PPP1R9A: variants seen among roughly 807,000 people sequenced by gnomAD.
The protein encoded by PPP1R9A is protein phosphatase 1 regulatory subunit 9A.
PPP1R9A carries 59 observed loss-of-function variants against 141.9 expected under a neutral mutation model. The observed-to-expected ratio is 0.42, with a 90% confidence interval of 0.34 to 0.52. The LOEUF is 0.52. PPP1R9A is among the 20% of genes least tolerant of loss of function. The pLI is 0.10. For missense variants in PPP1R9A, 1,444 were observed against 1,611.9 expected (o/e 0.90, Z 1.78); for synonymous variants, 500 against 569.7 (o/e 0.88, Z 1.74).
At chr7:95,096,609 AAGAC>A (rs756311200) in intron 2 of PPP1R9A, among the ~76,000 whole-genome samples, 19 of 152,198 alleles carry the variant, frequency 1.2e-4, no homozygotes, top group Middle Eastern at 3.4e-3. Flanking sequence ...CATTCTCTGA[AAGAC>A]AAATGCTTTT....
intron 2 of PPP1R9A, among the ~76,000 whole-genome samples, chr7:95,033,184 T>TTC (rs1336768857): frequency 1.4e-5 from 2 of 147,798 alleles, no homozygotes; most frequent in African/African-American, 4.9e-5. Flanking sequence ...TTTTTTTTTT[T>TTC]TTTTTTTTTT....
intron 2 of PPP1R9A, among the ~76,000 whole-genome samples, chr7:95,101,267 C>T (rs1375631956): frequency 6.6e-6 from 1 of 152,174 alleles, no homozygotes; most frequent in African/African-American, 2.4e-5. Context: ...AGGATCTTTG[C>T]AATCCATAGT....
chr7:95,034,129 C>A (rs1175587227), intron 2 of PPP1R9A, among the ~76,000 whole-genome samples: 3 of 152,020 alleles, frequency 2.0e-5, no homozygotes, highest in African/African-American at 7.2e-5. Flanking sequence ...ACTCTTCAAT[C>A]CATATAAATA....
intron 8 of PPP1R9A, among the ~76,000 whole-genome samples, chr7:95,236,804 C>T (rs1309140014): frequency 1.3e-5 from 2 of 151,476 alleles, no homozygotes; most frequent in African/African-American, 2.4e-5. Flanking sequence ...CATTCTGACA[C>T]CTGTACTGAT....
intron 4 of PPP1R9A, among the ~76,000 whole-genome samples, chr7:95,133,513 TTATATATATATATATATA>T (rs10570222): frequency 7.5e-6 from 1 of 132,692 alleles, no homozygotes; most frequent in African/African-American, 2.7e-5. Context: ...TGCAGTCGTA[TTATATATATATATATATA>T]TATATATATA....
At chr7:95,025,987 C>T (rs192184650) in intron 2 of PPP1R9A, among the ~76,000 whole-genome samples, 10 of 152,252 alleles carry the variant, frequency 6.6e-5, no homozygotes, top group African/African-American at 1.9e-4. Flanking sequence ...GTCCTTTTAT[C>T]AAGGTTCTTA....
rs1432551583 is a variant in PPP1R9A, at chr7:95,185,685, T to A, written c.1755-12664T>A. Among the ~76,000 whole-genome samples, 3 of 152,172 alleles carry A rather than the reference T, an allele frequency of 2.0e-5. No homozygotes were observed. In the South Asian group the frequency reaches 6.2e-4, roughly 31 times the overall value. Reference sequence around the variant, plus strand: ...ATCTTAGATTTAAGTCTTTGATCCATCTTGAATTGATTTTTGTATAAGGTG... The same window carrying A: ...ATCTTAGATTTAAGTCTTTGATCCAACTTGAATTGATTTTTGTATAAGGTG... On this transcript the variant is annotated intron_variant, in intron 5 of 19. Transcript: ENST00000433360.
intron 12 of PPP1R9A, among the ~76,000 whole-genome samples, chr7:95,262,228 C>T (rs1474740796): frequency 1.3e-5 from 2 of 152,208 alleles, no homozygotes; most frequent in African/African-American, 4.8e-5. Context: ...CATATCCTAG[C>T]TCCCATGACC....
rs552713045 is a variant in PPP1R9A, at chr7:95,173,325, G to A, written c.1754+11354G>A. 3.3e-5 allele frequency among the ~76,000 whole-genome samples: 5 copies of A among 151,890 alleles called. 1 individual carries two copies. Among genetic ancestry groups the A allele is most frequent in the African/African-American group, 9.6e-5 (4 of 41,502 alleles). On this transcript the variant is annotated intron_variant, in intron 5 of 19. Coordinates refer to ENST00000433360, the MANE Select transcript of PPP1R9A (RefSeq NM_001166160.2). ...TGAATGTTGAAAAATTATCTGTTGG[G>A]CACAATGTTCATTGTTAAGGTGATG...
intron 5 of PPP1R9A, among the ~76,000 whole-genome samples, chr7:95,173,549 CCTTAAGAAAATGGAAAAACAAGCCA>C (rs1832465986): frequency 6.6e-6 from 1 of 151,520 alleles, no homozygotes; most frequent in Non-Finnish European, 1.5e-5. Flanking sequence ...TACAAAATAC[CCTTAAGAAAATGGAAAAACAAGCCA>C]CTTAAGAAAA....
chr7:95,178,982 A>G (rs1205365060), intron 5 of PPP1R9A, among the ~76,000 whole-genome samples: 1 of 151,886 alleles, frequency 6.6e-6, no homozygotes. Context: ...TATTGACACA[A>G]TTCCAGATAG....
intron 4 of PPP1R9A, among the ~76,000 whole-genome samples, chr7:95,125,509 T>C (rs535926273): frequency 6.6e-6 from 1 of 152,300 alleles, no homozygotes; most frequent in Admixed American, 6.5e-5. Context: ...CACACACTAA[T>C]GATTTTCCAG....
chr7:95,260,571 C>T (rs1009843593), intron 12 of PPP1R9A, among the ~76,000 whole-genome samples: 3 of 151,500 alleles, frequency 2.0e-5, no homozygotes, highest in African/African-American at 7.3e-5. Flanking sequence ...CCCAGCTACT[C>T]GGGAGGCTGA....
chr7:95,121,050 A>G (rs1301101079), intron 4 of PPP1R9A, among the ~76,000 whole-genome samples: 4 of 152,184 alleles, frequency 2.6e-5, no homozygotes, highest in Non-Finnish European at 5.9e-5. Context: ...GGGCAGATCT[A>G]TCAGTCTATA....
chr7:95,214,421 T>TG (rs1180161722), intron 7 of PPP1R9A: 1 of 152,240 alleles, frequency 6.6e-6, no homozygotes, highest in East Asian at 1.9e-4. Context: ...CTCCTTGGGA[T>TG]GTGGGCCTCT....
intron 2 of PPP1R9A, among the ~76,000 whole-genome samples, chr7:95,068,410 C>T (rs867132530): frequency 2.5e-5 from 3 of 120,178 alleles, no homozygotes; most frequent in Non-Finnish European, 3.2e-5. Context: ...GTGGAGATTG[C>T]GGTGAGCCGA....
At chr7:95,085,026 C>T (rs1454080218) in intron 2 of PPP1R9A, among the ~76,000 whole-genome samples, 1 of 152,020 alleles carries the variant, frequency 6.6e-6, no homozygotes, top group African/African-American at 2.4e-5. Context: ...CATACCCACC[C>T]TCACATGATT....
chr7:95,067,427 C>T (rs1388045234), intron 2 of PPP1R9A, among the ~76,000 whole-genome samples: 2 of 152,106 alleles, frequency 1.3e-5, no homozygotes, highest in Admixed American at 6.5e-5. Context: ...GATACACTGG[C>T]GGGAAGGAAG....
intron 4 of PPP1R9A, among the ~76,000 whole-genome samples, chr7:95,157,586 A>C (rs1013742571): frequency 6.6e-6 from 1 of 152,210 alleles, no homozygotes; most frequent in Non-Finnish European, 1.5e-5. Context: ...TCCCTGCTGC[A>C]GTCGGCGTGA....
Sources: allele counts gnomAD v4.1 joint callset (sites outside exome capture counted in the v4.1 genomes callset), GRCh38; gene constraint gnomAD v4.1.1; transcripts MANE v1.5; gene names NCBI Gene and HGNC (gene_info 2026-07-23, HGNC 2026-07-21).